The following LRRC7 variants were observed in gnomAD, a reference collection of about 807,000 sequenced individuals.
The protein encoded by LRRC7 is leucine rich repeat containing 7.
LRRC7 carries 23 observed loss-of-function variants against 175.7 expected under a neutral mutation model. The observed-to-expected ratio is 0.13, with a 90% CI of 0.09 to 0.19. The LOEUF is 0.19. Ranked by LOEUF, LRRC7 falls within the 10% of genes least tolerant of loss-of-function variation. The pLI, the probability that LRRC7 is intolerant of heterozygous loss-of-function variation, is 1.00. For missense variants in LRRC7, 1,354 were observed against 1,904.7 expected (o/e 0.71, Z 5.38); for synonymous variants, 685 against 680.9 (o/e 1.01, Z -0.09).
Position 69,838,233 on chromosome 1 carries a change from C to A in LRRC7, c.597C>A (p.Val199=). The A allele has an allele frequency of 6.2e-7, 1 of 1,608,004 alleles. No individual in the cohort carries two copies. Among genetic ancestry groups the A allele is most frequent in the South Asian group, 1.1e-5 (1 of 90,774 alleles). ...TTAAAATTCATTTCTGTAGACTTGT[C>A]AAATTGCGGATCTTGGAGTTAAGAG... ...EFLPANFGRL[V]KLRILELREN... Residue 199 remains valine (V), a synonymous_variant, in exon 7 of 27, where the codon GTC becomes GTA. Coordinates refer to ENST00000651989, the MANE Select transcript of LRRC7 (RefSeq NM_001370785.2).
chr1:69,911,583 A>T (rs1646532439), intron 7 of LRRC7, among the ~76,000 whole-genome samples: 1 of 152,160 alleles, frequency 6.6e-6, no homozygotes, highest in African/African-American at 2.4e-5. Context: ...TCTTCCTCAC[A>T]ATCTCCTCCA....
rs188746165 is a variant in LRRC7, at chr1:70,143,697, A to G, written c.*21810A>G. 17 of 152,286 alleles carry G rather than the reference A, an allele frequency of 1.1e-4. No homozygotes were observed. Among genetic ancestry groups the G allele is most frequent in the Non-Finnish European group, 1.5e-5 (1 of 68,024 alleles). The allele number at this position is 152,286 out of a possible 1,614,324, so 9.4% of individuals were successfully genotyped here. A position where few individuals can be genotyped will look rare whatever the true frequency, so the allele number is the denominator to read the frequency against. ...TTTTCTACTTGGGTGTACTCTAGCCAATTCAAAACAAATTGCTTACTTTAA... is the reference window on the plus strand; with the variant it reads ...TTTTCTACTTGGGTGTACTCTAGCCGATTCAAAACAAATTGCTTACTTTAA... On this transcript the variant is annotated 3_prime_UTR_variant, in exon 27 of 27. Transcript: ENST00000651989.
intron 13 of LRRC7, among the ~76,000 whole-genome samples, chr1:70,013,571 T>C (rs969139880): frequency 1.3e-5 from 2 of 151,914 alleles, no homozygotes; most frequent in Non-Finnish European, 2.9e-5. Flanking sequence ...GGCTGTTTAG[T>C]CATGTTTAGA....
intron 2 of LRRC7, among the ~76,000 whole-genome samples, chr1:69,734,974 A>T (rs1351596705): frequency 6.6e-6 from 1 of 151,740 alleles, no homozygotes; most frequent in Admixed American, 6.6e-5. Flanking sequence ...AAACTGTTAA[A>T]AATAGGAAAA....
intron 18 of LRRC7, 30 bp downstream of exon 18, chr1:70,028,401 G>A: frequency 6.3e-7 from 1 of 1,596,228 alleles, no homozygotes; most frequent in Non-Finnish European, 8.6e-7. Flanking sequence ...AATTGCCAGT[G>A]TGGTTTGGAT....
intron 1 of LRRC7, among the ~76,000 whole-genome samples, chr1:69,570,604 G>C (rs765860665): frequency 1.3e-5 from 2 of 152,138 alleles, no homozygotes; most frequent in Non-Finnish European, 2.9e-5. Flanking sequence ...TCACGCCTCC[G>C]TCCAGGCTTC....
chr1:69,868,983 G>A (rs944611866), intron 7 of LRRC7, among the ~76,000 whole-genome samples: 5 of 150,460 alleles, frequency 3.3e-5, no homozygotes, highest in Non-Finnish European at 5.9e-5. Flanking sequence ...ATTGGATTAC[G>A]GTCCACCCTA....
At position 69,743,445 on chromosome 1, in the gene LRRC7, T is replaced by C. The variant is rs560753071; in HGVS notation, c.101-16746T>C. On this transcript the variant is annotated intron_variant, in intron 2 of 26. Coordinates refer to ENST00000651989, the MANE Select transcript of LRRC7 (RefSeq NM_001370785.2). ...AATGCAAAGGCATCATGGGTGTGTG[T>C]TGGGCAGGAAGAAGTTGACCATATA... 3.3e-5 allele frequency among the ~76,000 whole-genome samples: 5 copies of C among 152,124 alleles called. No homozygotes were observed. The East Asian group carries it at 7.7e-4, about 24-fold the overall frequency.
intron 8 of LRRC7, among the ~76,000 whole-genome samples, chr1:69,938,710 G>T (rs953522898): frequency 6.6e-6 from 1 of 151,654 alleles, no homozygotes; most frequent in Non-Finnish European, 1.5e-5. Context: ...GTTCACCAAA[G>T]GTGTGCTCAT....
intron 16 of LRRC7, 140 bp downstream of exon 16, chr1:70,021,269 A>G (rs2101974709): frequency 1.3e-6 from 1 of 759,524 alleles, no homozygotes; most frequent in East Asian, 3.1e-5. Flanking sequence ...GCATGCTGGT[A>G]GTTCTGGAAG....
At chr1:69,761,767 A>G (rs550536434) in intron 3 of LRRC7, among the ~76,000 whole-genome samples, 68 of 152,174 alleles carry the variant, frequency 4.5e-4, no homozygotes, top group African/African-American at 1.5e-3. Context: ...GTTTCCTGGT[A>G]CATGGGCAGG....
chr1:69,605,970 T>G (rs1001775532), intron 1 of LRRC7, among the ~76,000 whole-genome samples: 1 of 152,166 alleles, frequency 6.6e-6, no homozygotes, highest in Non-Finnish European at 1.5e-5. Flanking sequence ...TCTAAAAAAC[T>G]TAAGACAAAC....
At chr1:69,652,378 AATCTT>A (rs1272071111) in intron 1 of LRRC7, among the ~76,000 whole-genome samples, 4 of 149,734 alleles carry the variant, frequency 2.7e-5, no homozygotes, top group African/African-American at 1.0e-4. Context: ...TTAAGAAACT[AATCTT>A]ATCTAAAGTA....
intron 7 of LRRC7, among the ~76,000 whole-genome samples, chr1:69,857,540 A>G (rs964037092): frequency 6.6e-6 from 1 of 152,120 alleles, no homozygotes; most frequent in African/African-American, 2.4e-5. Context: ...ATACCTAGGA[A>G]TCCAGCTTAC....
chr1:70,058,117 C>G (rs571315128), intron 23 of LRRC7, among the ~76,000 whole-genome samples: 1 of 150,232 alleles, frequency 6.7e-6, no homozygotes, highest in African/African-American at 2.5e-5. Flanking sequence ...TCAAGTGATT[C>G]GCGCGCCTCA....
intron 7 of LRRC7, among the ~76,000 whole-genome samples, chr1:69,849,515 T>C (rs1322715647): frequency 6.6e-6 from 1 of 151,986 alleles, no homozygotes; most frequent in African/African-American, 2.4e-5. Context: ...TACTTCCATC[T>C]ATATGGATAT....
intron 1 of LRRC7, among the ~76,000 whole-genome samples, chr1:69,580,501 G>A (rs1646151671): frequency 6.6e-6 from 1 of 152,102 alleles, no homozygotes; most frequent in Non-Finnish European, 1.5e-5. Flanking sequence ...CTAAGCTACT[G>A]TTCTTGCACA....
chr1:69,821,880 G>C (rs1022504674), intron 4 of LRRC7, among the ~76,000 whole-genome samples: 19 of 151,718 alleles, frequency 1.3e-4, no homozygotes, highest in African/African-American at 4.4e-4. Context: ...GGGCAACAGA[G>C]CGAGACTCTG....
intron 26 of LRRC7, among the ~76,000 whole-genome samples, chr1:70,119,341 G>A (rs1666065855): frequency 6.6e-6 from 1 of 151,892 alleles, no homozygotes; most frequent in Non-Finnish European, 1.5e-5. Context: ...CAGCATATAT[G>A]TACTGAGGGC....
Sources: allele counts gnomAD v4.1 joint callset (sites outside exome capture counted in the v4.1 genomes callset), GRCh38; gene constraint gnomAD v4.1.1; transcripts MANE v1.5; gene names NCBI Gene and HGNC (gene_info 2026-07-23, HGNC 2026-07-21).